ACTR3B: variants seen among roughly 807,000 people sequenced by gnomAD.
The protein encoded by ACTR3B is actin related protein 3B.
A neutral mutation model predicts 59.0 loss-of-function variants in ACTR3B; 8 were observed. That is an observed-to-expected ratio of 0.14 (90% CI 0.08 to 0.24). ACTR3B has a LOEUF of 0.24. Ranked by LOEUF, ACTR3B falls within the 10% of genes least tolerant of loss-of-function variation. The pLI, the probability that ACTR3B is intolerant of heterozygous loss-of-function variation, is 1.00. For synonymous variants in ACTR3B, 148 were observed against 197.9 expected, an observed-to-expected ratio of 0.75 and a Z score of 2.12; for missense variants, 245 against 552.3, an observed-to-expected ratio of 0.44 and a Z score of 5.58.
At chr7:152,832,012 G>A (rs1355756221) in intron 9 of ACTR3B, among the ~76,000 whole-genome samples, 3 of 152,216 alleles carry the variant, frequency 2.0e-5, no homozygotes, top group Non-Finnish European at 2.9e-5. Context: ...CTGCACCAGG[G>A]GATGTGGATT....
intron 2 of ACTR3B, among the ~76,000 whole-genome samples, chr7:152,794,305 C>T (rs555019151): frequency 3.3e-5 from 5 of 152,176 alleles, no homozygotes; most frequent in Non-Finnish European, 7.3e-5. Flanking sequence ...GCAACCTCCA[C>T]CTCCTGGGTT....
At chr7:152,848,966 G>A (rs1327080589) in intron 9 of ACTR3B, among the ~76,000 whole-genome samples, 1 of 152,292 alleles carries the variant, frequency 6.6e-6, no homozygotes, top group East Asian at 1.9e-4. Context: ...TGATCCTGGG[G>A]CAGGATGTTG....
At chr7:152,820,581 C>T (rs1796067283) in intron 7 of ACTR3B, 139 bp downstream of exon 7, 1 of 1,429,706 alleles carries the variant, frequency 7.0e-7, no homozygotes, top group African/African-American at 1.4e-5. Context: ...TTGTTTTACC[C>T]CTTAAGTGGG....
intron 4 of ACTR3B, among the ~76,000 whole-genome samples, chr7:152,807,492 A>G (rs1002717397): frequency 3.3e-5 from 5 of 151,914 alleles, no homozygotes; most frequent in Admixed American, 6.6e-5. Context: ...TTGTGCATAC[A>G]GTTTTTCCTG....
intron 9 of ACTR3B, among the ~76,000 whole-genome samples, chr7:152,845,688 G>A (rs527980370): frequency 4.1e-4 from 62 of 152,206 alleles, no homozygotes; most frequent in African/African-American, 1.2e-3. Context: ...TTAGGGGCCT[G>A]CTCGTGGGGT....
chr7:152,799,748 C>A (rs1483007104), intron 2 of ACTR3B, among the ~76,000 whole-genome samples: 2 of 152,104 alleles, frequency 1.3e-5, no homozygotes, highest in Non-Finnish European at 2.9e-5. Flanking sequence ...ATGTCGAGAC[C>A]TGATGAATGA....
At chr7:152,852,754 C>A (rs1398177586) in intron 10 of ACTR3B, among the ~76,000 whole-genome samples, 6 of 152,138 alleles carry the variant, frequency 3.9e-5, no homozygotes, top group Admixed American at 3.9e-4. Flanking sequence ...AGGAAGAGAT[C>A]CCACGAGTCC....
chr7:152,800,643 A>G lies in ACTR3B; in HGVS notation c.213A>G (p.Thr71=), dbSNP rs768690782. 17 of 1,613,882 alleles carry G rather than the reference A, an allele frequency of 1.1e-5. No individual in the cohort carries two copies. The highest frequency in any genetic ancestry group is 2.2e-5 in the South Asian group (2 of 91,054). ...FIGDEAIDKP[T]YATKWPIRHG... Reference sequence around the variant, plus strand: ...GAGATGAAGCCATCGATAAACCTACATATGCTACAAAGGTAAATTTCCGAC... The same window carrying G: ...GAGATGAAGCCATCGATAAACCTACGTATGCTACAAAGGTAAATTTCCGAC... The change falls in exon 3 of 12, where the codon ACA becomes ACG. Residue 71 remains threonine (T), a synonymous_variant. Coordinates refer to ENST00000256001, the MANE Select transcript of ACTR3B (RefSeq NM_020445.6).
chr7:152,847,552 T>C (rs940262), intron 9 of ACTR3B, among the ~76,000 whole-genome samples: 121,129 of 152,182 alleles, frequency 0.8, 48,564 homozygotes, highest in African/African-American at 0.88. Flanking sequence ...TGCTTGCCTT[T>C]TAGTGTGGAA....
chr7:152,785,391 GGGAGGGGGAGGGGGAGA>G (rs2098168591), intron 2 of ACTR3B, among the ~76,000 whole-genome samples: 1 of 11,774 alleles, frequency 8.5e-5, no homozygotes, highest in African/African-American at 2.5e-4. Flanking sequence ...GGGGGGGGAG[GGGAGGGGGAGGGGGAGA>G]GGGAGGGAGA....
At chr7:152,849,333 G>T (rs1798613994) in intron 9 of ACTR3B, among the ~76,000 whole-genome samples, 1 of 152,200 alleles carries the variant, frequency 6.6e-6, no homozygotes, top group Admixed American at 6.5e-5. Context: ...ACGGGGTGGG[G>T]TGGGGGTTCC....
At chr7:152,781,175 A>G (rs1474792212) in intron 1 of ACTR3B, among the ~76,000 whole-genome samples, 1 of 144,494 alleles carries the variant, frequency 6.9e-6, no homozygotes, top group Admixed American at 7.0e-5. Flanking sequence ...TTAACGCTTT[A>G]CCATATTCGT....
chr7:152,832,889 C>G (rs1447149363), intron 9 of ACTR3B, among the ~76,000 whole-genome samples: 2 of 152,190 alleles, frequency 1.3e-5, no homozygotes, highest in Admixed American at 6.5e-5. Context: ...TAATGTTGAC[C>G]ACATCCACAA....
chr7:152,813,051 G>C (rs1315324583), intron 4 of ACTR3B: 5 of 89,772 alleles, frequency 5.6e-5, no homozygotes, highest in African/African-American at 1.7e-4. Context: ...GAGAGAATAG[G>C]AGAGAGAGAC....
intron 9 of ACTR3B, among the ~76,000 whole-genome samples, chr7:152,848,608 A>T (rs1390130916): frequency 6.6e-6 from 1 of 152,248 alleles, no homozygotes; most frequent in African/African-American, 2.4e-5. Flanking sequence ...TCTCCAGAAT[A>T]TCATCGGCCA....
At chr7:152,823,564 T>C in intron 8 of ACTR3B, 49 bp downstream of exon 8, 2 of 1,592,036 alleles carry the variant, frequency 1.3e-6, no homozygotes, top group Non-Finnish European at 1.7e-6. Context: ...GGAGCGATAC[T>C]GCCACCCAGA....
At chr7:152,847,396 G>A (rs1389558022) in intron 9 of ACTR3B, among the ~76,000 whole-genome samples, 1 of 152,206 alleles carries the variant, frequency 6.6e-6, no homozygotes, top group East Asian at 1.9e-4. Context: ...ATTACTGAAG[G>A]AAGAAAGGAA....
rs892992384 is a variant in ACTR3B at position 152,765,865 on chromosome 7, C to G, written c.44+5939C>G. Among the ~76,000 whole-genome samples, 55 of 152,212 alleles carry G rather than the reference C, an allele frequency of 3.6e-4. 1 individual carries two copies. The highest frequency in any genetic ancestry group is 1.3e-3 in the African/African-American group (54 of 41,524). ...CATGGTGCCAGCATCTAATGAGGCC[C>G]TGCGTGCTGTGTCATCCCATGGCGG... On this transcript the variant is annotated intron_variant, in intron 1 of 11. Transcript: ENST00000256001.
At chr7:152,836,321 T>C (rs1797452768) in intron 9 of ACTR3B, among the ~76,000 whole-genome samples, 1 of 151,786 alleles carries the variant, frequency 6.6e-6, no homozygotes, top group Non-Finnish European at 1.5e-5. Context: ...TTAAGCTGGG[T>C]GCAGGGGCTC....
Sources: allele counts gnomAD v4.1 joint callset (sites outside exome capture counted in the v4.1 genomes callset), GRCh38; gene constraint gnomAD v4.1.1; transcripts MANE v1.5; gene names NCBI Gene and HGNC (gene_info 2026-07-23, HGNC 2026-07-21).